Variants in CEP41 observed in about 807,000 individuals in gnomAD.
CEP41 encodes the protein centrosomal protein of 41 kDa.
CEP41 carries 32 observed loss-of-function variants against 44.3 expected under a neutral mutation model. That is an observed-to-expected ratio of 0.72 (90% CI 0.54 to 0.97). The LOEUF (loss-of-function observed/expected upper bound fraction) is 0.97, where lower values mean the gene tolerates loss of function less well. CEP41 is among the 50% of genes least tolerant of loss of function. The probability of loss-of-function intolerance (pLI) is 0.00; values close to 1 mark genes in which losing one functional copy is unlikely to be tolerated. For missense variants in CEP41, 432 were observed against 455.2 expected (o/e 0.95, Z 0.46); for synonymous variants, 151 against 168.5 (o/e 0.90, Z 0.80).
At position 130,402,833 on chromosome 7, in the gene CEP41, T is replaced by C. The variant is rs529694950; in HGVS notation, c.423-34A>G. Reference sequence around the variant, plus strand: ...GAAAAAGTAGGTCAGCAGAAACTAGTCAGAGGTTGGTGGCTTAAAGGTCGA... The same window carrying C: ...GAAAAAGTAGGTCAGCAGAAACTAGCCAGAGGTTGGTGGCTTAAAGGTCGA... On this transcript the variant is annotated intron_variant, in intron 6 of 10. Coordinates refer to ENST00000223208, the MANE Select transcript of CEP41 (RefSeq NM_018718.3). The C allele has an allele frequency of 3.7e-6, 6 of 1,613,428 alleles. No homozygotes were observed. In the East Asian group the frequency reaches 1.3e-4, roughly 36 times the overall value.
At chr7:130,430,244 G>A (rs1797784706) in intron 1 of CEP41, among the ~76,000 whole-genome samples, 1 of 151,930 alleles carries the variant, frequency 6.6e-6, no homozygotes, top group Non-Finnish European at 1.5e-5. Context: ...CAAAGCAAAA[G>A]CCTCACAACA....
chr7:130,417,019 A>G, intron 2 of CEP41, 53 bp from the exon 3 acceptor site: 1 of 1,402,984 alleles, frequency 7.1e-7, no homozygotes, highest in Non-Finnish European at 1.0e-6. Context: ...GCAAATGAGT[A>G]ACACTGTGGA....
chr7:130,403,025 A>G (rs1180509521), intron 6 of CEP41, among the ~76,000 whole-genome samples: 2 of 152,110 alleles, frequency 1.3e-5, no homozygotes, highest in Non-Finnish European at 2.9e-5. Flanking sequence ...ACATGTCCAC[A>G]CTCACCTTCA....
At chr7:130,407,787 T>C (rs1797058744) in intron 5 of CEP41, among the ~76,000 whole-genome samples, 1 of 151,718 alleles carries the variant, frequency 6.6e-6, no homozygotes, top group Non-Finnish European at 1.5e-5. Flanking sequence ...TCTAAAGCAA[T>C]AAAAGAAAAC....
chr7:130,427,595 C>T (rs531568419), intron 2 of CEP41, among the ~76,000 whole-genome samples: 3 of 152,278 alleles, frequency 2.0e-5, no homozygotes, highest in East Asian at 1.9e-4. Flanking sequence ...GTGTCTAATC[C>T]GTTACTGCCA....
Position 130,398,975 on chromosome 7 carries a change from C to A in CEP41, c.1038G>T (p.Gln346His), listed in dbSNP as rs1175088517. 6.2e-7 allele frequency: 1 copy of A among 1,614,110 alleles called. No homozygotes were observed. The highest frequency in any genetic ancestry group is 8.5e-7 in the Non-Finnish European group (1 of 1,180,062). The change falls in exon 11 of 11, where the codon CAG becomes CAT. Residue 346 changes from glutamine to histidine, a missense_variant. Transcript: ENST00000223208. The stretch of plus-strand genomic sequence containing the variant: ...TGGCGGGGCCGCCACCTGGCAGATT[C>A]TGAGCGCTTCGGGCACCAGGCACCT... ...ESKVPGARSA[Q>H]NLPGGGPASH...
intron 3 of CEP41, among the ~76,000 whole-genome samples, chr7:130,413,250 C>T (rs1357199062): frequency 6.6e-6 from 1 of 152,078 alleles, no homozygotes; most frequent in African/African-American, 2.4e-5. Context: ...CTCAACCTCC[C>T]AAAGTGCTGG....
At chr7:130,418,088 T>A (rs1448388388) in intron 2 of CEP41, among the ~76,000 whole-genome samples, 1 of 152,180 alleles carries the variant, frequency 6.6e-6, no homozygotes, top group Non-Finnish European at 1.5e-5. Context: ...CCACCATTGT[T>A]TTCTTTTCTT....
At chr7:130,422,759 G>A (rs1191138295) in intron 2 of CEP41, among the ~76,000 whole-genome samples, 1 of 152,046 alleles carries the variant, frequency 6.6e-6, no homozygotes, top group African/African-American at 2.4e-5. Context: ...ACACACTTTG[G>A]CCCTTCCAAA....
intron 2 of CEP41, among the ~76,000 whole-genome samples, chr7:130,426,471 T>C (rs1482251218): frequency 1.3e-5 from 2 of 149,846 alleles, no homozygotes; most frequent in South Asian, 2.1e-4. Flanking sequence ...TATGAAGGCA[T>C]AGACAAATCT....
intron 2 of CEP41, 135 bp downstream of exon 2, chr7:130,427,820 C>A: frequency 1.5e-6 from 1 of 647,692 alleles, no homozygotes. Flanking sequence ...AAGGATAAAT[C>A]CTGAGCCGAG....
At chr7:130,401,844 C>T in intron 8 of CEP41, 37 bp downstream of exon 8, 1 of 1,353,966 alleles carries the variant, frequency 7.4e-7, no homozygotes, top group Non-Finnish European at 1.1e-6. Flanking sequence ...TTACAATCCT[C>T]ATACCACCCA....
rs138585143 is a variant in CEP41 at position 130,410,197 on chromosome 7, T to C, written c.277+925A>G. ...CACACCACCGTGCCTGGCTAATTTT[T>C]CTATTTTTTTTAGTAGAGACAGGGT... On this transcript the variant is annotated intron_variant, in intron 5 of 10. Transcript: ENST00000223208. Among the ~76,000 whole-genome samples, 29 of 151,960 alleles carry C rather than the reference T, an allele frequency of 1.9e-4. No individual in the cohort carries two copies. In the East Asian group the frequency reaches 5.0e-3, roughly 26 times the overall value.
At chr7:130,411,935 T>G in intron 4 of CEP41, 1 of 417,924 alleles carries the variant, frequency 2.4e-6, no homozygotes, top group Non-Finnish European at 4.3e-6. Context: ...ACCACAAGTT[T>G]AATGAATTAA....
chr7:130,406,303 G>A (rs1554418219), intron 5 of CEP41, among the ~76,000 whole-genome samples: 1 of 152,116 alleles, frequency 6.6e-6, no homozygotes, highest in Non-Finnish European at 1.5e-5. Flanking sequence ...ATAATAACAG[G>A]GCGGGCATGG....
chr7:130,395,947 A>C lies in CEP41; in HGVS notation c.*2944T>G. 1 of 452,340 alleles carries C rather than the reference A, an allele frequency of 2.2e-6. No homozygotes were observed. The highest frequency in any genetic ancestry group is 1.6e-5 in the South Asian group (1 of 63,634). 28.0% of individuals were successfully genotyped at this position (452,340 alleles called of 1,614,324 possible). A position where few individuals can be genotyped will look rare whatever the true frequency, so the allele number is the denominator to read the frequency against. On this transcript the variant is annotated 3_prime_UTR_variant, in exon 11 of 11. Transcript: ENST00000223208. Reference sequence around the variant, plus strand: ...ATTTAAATCATTCCATACTTTTTCAAGAGATTGAGCCTGACATTATTACAG... The same window carrying C: ...ATTTAAATCATTCCATACTTTTTCACGAGATTGAGCCTGACATTATTACAG...
At chr7:130,418,086 G>C (rs1328453552) in intron 2 of CEP41, among the ~76,000 whole-genome samples, 5 of 152,066 alleles carry the variant, frequency 3.3e-5, no homozygotes, top group African/African-American at 1.2e-4. Context: ...ATCCACCATT[G>C]TTTTCTTTTC....
chr7:130,424,706 A>G (rs555954101), intron 2 of CEP41, among the ~76,000 whole-genome samples: 1 of 152,276 alleles, frequency 6.6e-6, no homozygotes, highest in African/African-American at 2.4e-5. Flanking sequence ...TACAAAAATT[A>G]CCTCAAAGTT....
rs1318502983 is a variant in CEP41 at position 130,440,706 on chromosome 7, T to A, written c.33+228A>T. 2.4e-5 allele frequency: 15 copies of A among 614,062 alleles called. No individual in the cohort carries two copies. In the East Asian group the frequency reaches 2.5e-4, roughly 10 times the overall value. 38.0% of individuals were successfully genotyped at this position (614,062 alleles called of 1,614,324 possible). A position where few individuals can be genotyped will look rare whatever the true frequency, so the allele number is the denominator to read the frequency against. On this transcript the variant is annotated intron_variant, in intron 1 of 10. Coordinates refer to ENST00000223208, the MANE Select transcript of CEP41 (RefSeq NM_018718.3). Reference sequence around the variant, plus strand: ...GTACTTCGCTCCTCGCAGTCACAAGTACTGGCGTGCGTACGCGGGGAGAGA... The same window carrying A: ...GTACTTCGCTCCTCGCAGTCACAAGAACTGGCGTGCGTACGCGGGGAGAGA...
Sources: allele counts gnomAD v4.1 joint callset (sites outside exome capture counted in the v4.1 genomes callset), GRCh38; gene constraint gnomAD v4.1.1; transcripts MANE v1.5; gene names NCBI Gene and HGNC (gene_info 2026-07-23, HGNC 2026-07-21).